The following DYSF variants were observed in gnomAD, a reference collection of about 807,000 sequenced individuals.
The protein encoded by DYSF is dystrophy-associated fer-1-like 1.
In DYSF, 212 loss-of-function variants were observed where a neutral mutation model predicts 274.9. The observed-to-expected ratio is 0.77, with a 90% confidence interval of 0.69 to 0.86. The LOEUF (loss-of-function observed/expected upper bound fraction) is 0.86, where lower values mean the gene tolerates loss of function less well. DYSF is among the 40% of genes least tolerant of loss of function. The probability of loss-of-function intolerance (pLI) is 0.00; values close to 1 mark genes in which losing one functional copy is unlikely to be tolerated. For missense variants in DYSF, 2,666 were observed against 2,783.2 expected (o/e 0.96, Z 0.95); for synonymous variants, 1,091 against 1,078.7 (o/e 1.01, Z -0.22).
chr2:71,568,465 C>G, intron 26 of DYSF, 127 bp downstream of exon 26: 1 of 1,286,864 alleles, frequency 7.8e-7, no homozygotes, highest in Non-Finnish European at 1.1e-6. Context: ...GTCATAGGAA[C>G]TTCCGCTGAA....
chr2:71,469,019 G>A (rs563047308), intron 1 of DYSF, among the ~76,000 whole-genome samples: 2 of 152,212 alleles, frequency 1.3e-5, no homozygotes, highest in Non-Finnish European at 2.9e-5. Context: ...TGTAGAACGT[G>A]TTTGAGAAAC....
intron 22 of DYSF, 99 bp downstream of exon 22, chr2:71,556,170 T>A: frequency 2.0e-6 from 2 of 1,018,254 alleles, no homozygotes; most frequent in Non-Finnish European, 3.0e-6. Context: ...GTGGCACGTC[T>A]CCCAGCCACG....
intron 41 of DYSF, among the ~76,000 whole-genome samples, chr2:71,639,642 G>A (rs1001134420): frequency 6.6e-6 from 1 of 152,208 alleles, no homozygotes; most frequent in Non-Finnish European, 1.5e-5. Context: ...GGTCCAAACA[G>A]TTCCTTATTG....
chr2:71,481,664 C>T (rs1258687797), intron 2 of DYSF, among the ~76,000 whole-genome samples: 1 of 144,430 alleles, frequency 6.9e-6, no homozygotes, highest in Non-Finnish European at 1.5e-5. Flanking sequence ...CATACTGTCA[C>T]CTCTGAATTT....
chr2:71,526,256 A>G lies in DYSF; in HGVS notation c.1186A>G (p.Ile396Val). 1 of 1,614,268 alleles carries G rather than the reference A, an allele frequency of 6.2e-7. No individual in the cohort carries two copies. The change falls in exon 13 of 56, where the codon ATT becomes GTT. Residue 396 changes from isoleucine (I) to valine (V), a missense_variant. Around this residue, in one of 3 missense-constraint regions of DYSF, gnomAD observed 794 missense variants for 777.1 expected, o/e 1.02. Transcript: ENST00000410020. ...AGACCCCTCTGAAGACAAGGAGGAC[A>G]TTGAAAGCAACCTGCTCCGGCCCAC... ...RKDPSEDKEDIESNLLRPTGV... is the reference protein window; with the variant it reads ...RKDPSEDKEDVESNLLRPTGV...
At chr2:71,476,334 C>G (rs1218852231) in intron 1 of DYSF, among the ~76,000 whole-genome samples, 1 of 152,062 alleles carries the variant, frequency 6.6e-6, no homozygotes, top group African/African-American at 2.4e-5. Context: ...GGCAGACCAC[C>G]TGAGGTCAGG....
chr2:71,589,297 C>T (rs2093175959), intron 30 of DYSF, among the ~76,000 whole-genome samples: 1 of 152,226 alleles, frequency 6.6e-6, no homozygotes, highest in Non-Finnish European at 1.5e-5. Context: ...TGGAGAGCCC[C>T]TTCGGGTCAT....
chr2:71,686,456 C>T lies in DYSF; in HGVS notation c.6324C>T (p.Asn2108=), dbSNP rs1451428804. The T allele has an allele frequency of 6.2e-7, 1 of 1,614,066 alleles. No homozygotes were observed. Among genetic ancestry groups the T allele is most frequent in the Admixed American group, 1.7e-5 (1 of 60,010 alleles). ...CCCTGTCTCCTCCCTCCCTCCAGAA[C>T]TATGCTGCCATGAAGCTGGTGAAGC... ...FLAIFIYAFP[N]YAAMKLVKPF... is the part of the protein sequence containing the mutation. Residue 2108 remains asparagine (N), a splice_region_variant and synonymous_variant, in exon 56 of 56, where the codon AAC becomes AAT. Transcript: ENST00000410020.
At chr2:71,504,301 C>T (rs1274966981) in intron 4 of DYSF, among the ~76,000 whole-genome samples, 7 of 152,124 alleles carry the variant, frequency 4.6e-5, no homozygotes, top group South Asian at 4.1e-4. Context: ...GCTGCCCTCT[C>T]GGTGCTGGAC....
chr2:71,539,104 G>A, intron 16 of DYSF, 53 bp from the exon 17 acceptor site: 1 of 1,528,768 alleles, frequency 6.5e-7, no homozygotes. Flanking sequence ...TGGGTGGGCT[G>A]TGGCCTGCAG....
intron 41 of DYSF, among the ~76,000 whole-genome samples, chr2:71,638,147 T>C (rs1461330644): frequency 1.3e-5 from 2 of 152,170 alleles, no homozygotes; most frequent in Non-Finnish European, 2.9e-5. Context: ...CTTATTTCCT[T>C]AGAAAGAAAC....
chr2:71,592,835 A>T (rs934195509), intron 32 of DYSF, among the ~76,000 whole-genome samples: 2 of 152,092 alleles, frequency 1.3e-5, no homozygotes, highest in Non-Finnish European at 2.9e-5. Flanking sequence ...CATTGGGGCC[A>T]TGGCTGCTCC....
intron 30 of DYSF, among the ~76,000 whole-genome samples, chr2:71,584,155 T>C (rs1451697410): frequency 2.8e-5 from 3 of 106,776 alleles, no homozygotes; most frequent in Non-Finnish European, 5.4e-5. Context: ...GGCCTGGCCC[T>C]GGGGCTGGGC....
intron 40 of DYSF, 134 bp from the exon 41 acceptor site, chr2:71,620,413 C>T: frequency 2.1e-6 from 2 of 965,390 alleles, no homozygotes; most frequent in African/African-American, 1.6e-5. Flanking sequence ...GCTTGTCCAA[C>T]TCCAAAGCAC....
In DYSF at chr2:71,681,057, TGCTGGCCA is replaced by T. The variant is rs747118765; in HGVS notation, c.6122_6129del (p.Ala2041GlyfsTer4). ...CAGAGAGTGAGCATGAGGAGCGGCC[TGCTGGCCA>T]GGGCCGGGATGAGCCCAACATGAAC... On this transcript the variant is annotated frameshift_variant, in exon 54 of 56. Transcript: ENST00000410020. LOFTEE classifies it high-confidence loss of function. 1.2e-6 allele frequency: 2 copies of T among 1,614,230 alleles called. No individual in the cohort carries two copies. The highest frequency in any genetic ancestry group is 1.7e-6 in the Non-Finnish European group (2 of 1,180,046).
At chr2:71,680,024 T>C (rs1194291601) in intron 53 of DYSF, among the ~76,000 whole-genome samples, 3 of 152,238 alleles carry the variant, frequency 2.0e-5, no homozygotes, top group African/African-American at 7.2e-5. Flanking sequence ...TATTATGTAC[T>C]GTGTTTATTC....
intron 3 of DYSF, among the ~76,000 whole-genome samples, chr2:71,486,195 C>G (rs539622639): frequency 1.3e-5 from 2 of 152,108 alleles, no homozygotes; most frequent in South Asian, 2.1e-4. Flanking sequence ...TGAGCTCCCC[C>G]GCTGTCCAAC....
At chr2:71,673,396 G>C (rs1316544722) in intron 51 of DYSF, among the ~76,000 whole-genome samples, 1 of 152,176 alleles carries the variant, frequency 6.6e-6, no homozygotes, top group Admixed American at 6.5e-5. Flanking sequence ...GGGAGGTGGG[G>C]TGGGGAGAGA....
chr2:71,555,102 G>T (rs1246460055), intron 21 of DYSF, among the ~76,000 whole-genome samples: 1 of 151,978 alleles, frequency 6.6e-6, no homozygotes, highest in East Asian at 1.9e-4. Context: ...AGGGAAAGAG[G>T]CCATGGTGGT....
Sources: allele counts gnomAD v4.1 joint callset (sites outside exome capture counted in the v4.1 genomes callset), GRCh38; gene constraint gnomAD v4.1.1; regional missense constraint gnomAD v4.1.1; transcripts MANE v1.5; gene names NCBI Gene and HGNC (gene_info 2026-07-23, HGNC 2026-07-21).